The following FUT9 variants were observed in gnomAD, a reference collection of about 807,000 sequenced individuals.
The protein encoded by FUT9 is 4-galactosyl-N-acetylglucosaminide 3-alpha-L-fucosyltransferase 9.
Under a neutral mutation model 29.7 loss-of-function variants are expected in FUT9, and 15 were observed. The observed-to-expected ratio is 0.51, with a 90% CI of 0.34 to 0.78. The LOEUF (loss-of-function observed/expected upper bound fraction) is 0.78, where lower values mean the gene tolerates loss of function less well. Ranked by LOEUF, FUT9 falls within the 30% of genes least tolerant of loss-of-function variation. The pLI is 0.01. For synonymous variants in FUT9, 169 were observed against 153.7 expected, an observed-to-expected ratio of 1.10 and a Z score of -0.74; for missense variants, 319 against 425.4, an observed-to-expected ratio of 0.75 and a Z score of 2.20.
intron 2 of FUT9, among the ~76,000 whole-genome samples, chr6:96,187,263 A>G (rs1773421907): frequency 1.3e-5 from 2 of 152,128 alleles, no homozygotes; most frequent in Non-Finnish European, 2.9e-5. Context: ...TGAGTGTTTC[A>G]CTGAATTCAA....
chr6:96,080,741 T>G (rs1208449511), intron 1 of FUT9, among the ~76,000 whole-genome samples: 1 of 151,948 alleles, frequency 6.6e-6, no homozygotes, highest in Admixed American at 6.6e-5. Context: ...TGTATGCCAT[T>G]TGTGCCTAAA....
chr6:96,188,073 G>A (rs1773436392), intron 2 of FUT9, among the ~76,000 whole-genome samples: 1 of 152,064 alleles, frequency 6.6e-6, no homozygotes, highest in Non-Finnish European at 1.5e-5. Flanking sequence ...GATGGCACGT[G>A]ACCACTGTTC....
chr6:96,096,961 G>T (rs1351571115), intron 1 of FUT9, among the ~76,000 whole-genome samples: 1 of 152,018 alleles, frequency 6.6e-6, no homozygotes, highest in African/African-American at 2.4e-5. Flanking sequence ...AGAGCACCCA[G>T]CACATATTAG....
intron 1 of FUT9, among the ~76,000 whole-genome samples, chr6:96,101,864 C>T (rs1364822856): frequency 2.0e-5 from 3 of 151,024 alleles, no homozygotes; most frequent in African/African-American, 7.3e-5. Flanking sequence ...CTATGCTGCA[C>T]AGGCTCATAT....
intron 1 of FUT9, among the ~76,000 whole-genome samples, chr6:96,074,045 AC>A (rs1260314396): frequency 1.3e-5 from 2 of 152,186 alleles, no homozygotes; most frequent in Non-Finnish European, 2.9e-5. Context: ...AAAAATATCT[AC>A]TAGTGAGAAG....
intron 1 of FUT9, among the ~76,000 whole-genome samples, chr6:96,033,877 TATAA>T (rs1461113534): frequency 2.0e-5 from 3 of 151,584 alleles, no homozygotes; most frequent in African/African-American, 7.3e-5. Flanking sequence ...TATGCTTACA[TATAA>T]ATACACACAT....
chr6:96,060,062 T>C (rs1770846095), intron 1 of FUT9, among the ~76,000 whole-genome samples: 1 of 152,208 alleles, frequency 6.6e-6, no homozygotes, highest in Non-Finnish European at 1.5e-5. Flanking sequence ...GCCTACTTTC[T>C]TTATTAATAG....
chr6:96,079,180 A>G (rs895609130), intron 1 of FUT9, among the ~76,000 whole-genome samples: 45 of 152,238 alleles, frequency 3.0e-4, no homozygotes, highest in African/African-American at 1.0e-3. Context: ...AAAGGTGGGG[A>G]AGGGAGACTA....
At chr6:96,017,965 T>G (rs1770007383) in intron 1 of FUT9, among the ~76,000 whole-genome samples, 1 of 152,180 alleles carries the variant, frequency 6.6e-6, no homozygotes, top group African/African-American at 2.4e-5. Flanking sequence ...TTGGTTTGTT[T>G]TCATTCAAAC....
intron 1 of FUT9, among the ~76,000 whole-genome samples, chr6:96,040,199 T>C (rs1246030272): frequency 6.6e-6 from 1 of 152,188 alleles, no homozygotes; most frequent in Non-Finnish European, 1.5e-5. Flanking sequence ...CAAGTGCCAG[T>C]GCTTAGTTGT....
intron 2 of FUT9, among the ~76,000 whole-genome samples, chr6:96,143,838 A>G (rs946461049): frequency 3.9e-5 from 6 of 152,340 alleles, no homozygotes; most frequent in Non-Finnish European, 7.3e-5. Flanking sequence ...GTCATATAAC[A>G]GAGGATAGAG....
intron 2 of FUT9, among the ~76,000 whole-genome samples, chr6:96,131,226 G>T (rs1772237605): frequency 6.6e-6 from 1 of 151,704 alleles, no homozygotes; most frequent in Admixed American, 6.6e-5. Context: ...CCTGCATGAA[G>T]AAAAGTGAAA....
At chr6:96,107,066 C>T (rs1447222943) in intron 1 of FUT9, among the ~76,000 whole-genome samples, 1 of 152,074 alleles carries the variant, frequency 6.6e-6, no homozygotes, top group Admixed American at 6.6e-5. Context: ...GCCTACAATG[C>T]CTAAAATGTT....
rs1010252497 is a variant in FUT9 at position 96,045,185 on chromosome 6, T to C, written c.-98+28973T>C. Among the ~76,000 whole-genome samples the C allele has an allele frequency of 2.0e-5, 3 of 152,054 alleles. 1 individual carries two copies. The highest frequency in any genetic ancestry group is 4.1e-4 in the South Asian group (2 of 4,836). On this transcript the variant is annotated intron_variant, in intron 1 of 2. Transcript: ENST00000302103. ...GAGGGGGCAAACCAAGAGGTGAGAA[T>C]TGAAAAGCAAAGGCAAATAATGCTG...
At chr6:96,136,874 CT>C (rs1310591389) in intron 2 of FUT9, among the ~76,000 whole-genome samples, 2 of 151,974 alleles carry the variant, frequency 1.3e-5, no homozygotes, top group African/African-American at 4.8e-5. Flanking sequence ...TTTGATATAA[CT>C]TTTAGTATCC....
rs145363365 is a variant in FUT9 at position 96,152,332 on chromosome 6, G to C, written c.-9+38205G>C. Among the ~76,000 whole-genome samples the C allele has an allele frequency of 7.2e-5, 11 of 152,158 alleles. No homozygotes were observed. The East Asian group carries it at 9.6e-4, about 13-fold the overall frequency. Reference sequence around the variant, plus strand: ...TGACCTAGATTTATATGTGGATATCGCTCCCACAGGCATCTGGCACCCACC... The same window carrying C: ...TGACCTAGATTTATATGTGGATATCCCTCCCACAGGCATCTGGCACCCACC... On this transcript the variant is annotated intron_variant, in intron 2 of 2. Coordinates refer to ENST00000302103, the MANE Select transcript of FUT9 (RefSeq NM_006581.4).
At chr6:96,047,125 T>C (rs1466920352) in intron 1 of FUT9, among the ~76,000 whole-genome samples, 1 of 152,164 alleles carries the variant, frequency 6.6e-6, no homozygotes, top group Non-Finnish European at 1.5e-5. Context: ...TGGAGCCCCA[T>C]TGAAGAATAG....
intron 1 of FUT9, among the ~76,000 whole-genome samples, chr6:96,024,938 T>C (rs553630424): frequency 1.3e-5 from 2 of 151,906 alleles, no homozygotes; most frequent in Non-Finnish European, 2.9e-5. Context: ...AAAGTCCCAC[T>C]GCAAAAACCT....
chr6:96,146,650 A>T (rs1772572708), intron 2 of FUT9, among the ~76,000 whole-genome samples: 1 of 152,250 alleles, frequency 6.6e-6, no homozygotes, highest in Non-Finnish European at 1.5e-5. Context: ...CACAGAAAGA[A>T]GGCAAAGGGA....
Sources: gnomAD v4.1 joint callset for allele counts (sites outside exome capture counted in the v4.1 genomes callset) on GRCh38, gnomAD v4.1.1 for gene constraint, MANE v1.5 for transcripts, NCBI Gene and HGNC (gene_info 2026-07-23, HGNC 2026-07-21) for gene names.